The following DPP6 variants were observed in gnomAD, a reference collection of about 807,000 sequenced individuals.
The protein encoded by DPP6 is dipeptidyl peptidase like 6.
In DPP6, 69 loss-of-function variants were observed where a neutral mutation model predicts 122.6. The ratio of observed to expected loss-of-function variants is 0.56; its 90% CI spans 0.46 to 0.69. DPP6 has a LOEUF of 0.69. Among genes scored for constraint, DPP6 ranks in the 30% least tolerant of loss-of-function variants. The pLI is 0.00. For missense variants in DPP6, 928 were observed against 1,116.9 expected, an observed-to-expected ratio of 0.83 and a Z score of 2.41; for synonymous variants, 418 against 433.1, an observed-to-expected ratio of 0.97 and a Z score of 0.43.
Position 154,016,527 on chromosome 7 carries a change from C to G in DPP6, c.51+128793C>G, listed in dbSNP as rs538460056. 4.0e-5 allele frequency among the ~76,000 whole-genome samples: 6 copies of G among 151,896 alleles called. No individual in the cohort carries two copies. The South Asian group carries it at 1.2e-3, about 32-fold the overall frequency. ...CATGTAATCCCAGCACTTTGTGAGGCTGAGGTGGGAGGATTGCTTGAGCCC... is the reference window on the plus strand; with the variant it reads ...CATGTAATCCCAGCACTTTGTGAGGGTGAGGTGGGAGGATTGCTTGAGCCC... On this transcript the variant is annotated intron_variant, in intron 1 of 25. Transcript: ENST00000404039.
chr7:154,215,084 G>A (rs1228349984), intron 1 of DPP6, among the ~76,000 whole-genome samples: 1 of 152,164 alleles, frequency 6.6e-6, no homozygotes, highest in Non-Finnish European at 1.5e-5. Context: ...ACCTGAGACT[G>A]GGTAATTTAT....
chr7:154,769,011 G>A (rs1426737862), intron 8 of DPP6, among the ~76,000 whole-genome samples: 1 of 152,106 alleles, frequency 6.6e-6, no homozygotes, highest in African/African-American at 2.4e-5. Context: ...CATGGGACAC[G>A]CTTCCATGTG....
chr7:154,856,783 G>A (rs1802869694), intron 17 of DPP6, among the ~76,000 whole-genome samples: 1 of 152,216 alleles, frequency 6.6e-6, no homozygotes. Flanking sequence ...CAGTTGAGCT[G>A]TCACTTTGGT....
intron 4 of DPP6, among the ~76,000 whole-genome samples, chr7:154,557,323 T>C (rs1830117189): frequency 6.6e-6 from 1 of 152,186 alleles, no homozygotes; most frequent in Non-Finnish European, 1.5e-5. Context: ...GGCAGCATCG[T>C]TAGCAATTGA....
chr7:154,085,830 C>T (rs530684060), intron 1 of DPP6, among the ~76,000 whole-genome samples: 3 of 152,262 alleles, frequency 2.0e-5, no homozygotes, highest in South Asian at 4.2e-4. Context: ...CAGGTTCAAG[C>T]GGTTCTTCTG....
chr7:154,025,255 G>C (rs1427303770), intron 1 of DPP6, among the ~76,000 whole-genome samples: 1 of 144,810 alleles, frequency 6.9e-6, no homozygotes, highest in African/African-American at 2.6e-5. Context: ...TATCTTGAGG[G>C]AAAAGGCCAT....
At chr7:154,238,496 G>A (rs1052118190) in intron 1 of DPP6, among the ~76,000 whole-genome samples, 23 of 152,176 alleles carry the variant, frequency 1.5e-4, no homozygotes, top group African/African-American at 5.3e-4. Context: ...GGATTAGACT[G>A]TCTGATTTAA....
chr7:154,431,201 A>T lies in DPP6; in HGVS notation c.244-15013A>T, dbSNP rs553451581. On this transcript the variant is annotated intron_variant, in intron 1 of 25. Coordinates refer to ENST00000377770, the MANE Select transcript of DPP6 (RefSeq NM_130797.4). ...GGATGCTCGCTGGGAGCCACAGGCC[A>T]CCAGGGGGAAGCGCCAAGGCCGTCT... Among the ~76,000 whole-genome samples the T allele has an allele frequency of 2.6e-5, 4 of 152,256 alleles. No homozygotes were observed. In the South Asian group the frequency reaches 8.3e-4, roughly 32 times the overall value.
rs1032159740 is a variant in DPP6, at chr7:154,474,839, C to A, written c.359-100C>A. 3.0e-5 allele frequency: 26 copies of A among 874,072 alleles called. No individual in the cohort carries two copies. In the African/African-American group the frequency reaches 4.3e-4, roughly 15 times the overall value. 54.1% of individuals were successfully genotyped at this position (874,072 alleles called of 1,614,324 possible). A position where few individuals can be genotyped will look rare whatever the true frequency, so the allele number is the denominator to read the frequency against. On this transcript the variant is annotated intron_variant, in intron 2 of 25. Coordinates refer to ENST00000377770, the MANE Select transcript of DPP6 (RefSeq NM_130797.4). ...TCACTTATGGACGTCATGTGTGTTC[C>A]CATCCATACTATTTATAAATGACAA...
At chr7:154,313,656 C>A (rs1196310510) in intron 1 of DPP6, among the ~76,000 whole-genome samples, 3 of 125,414 alleles carry the variant, frequency 2.4e-5, no homozygotes, top group Admixed American at 1.7e-4. Flanking sequence ...TCAAGTTTAC[C>A]TAGAAGCAAC....
At chr7:154,365,465 T>C (rs369687903) in intron 1 of DPP6, among the ~76,000 whole-genome samples, 44 of 152,250 alleles carry the variant, frequency 2.9e-4, no homozygotes, top group African/African-American at 7.9e-4. Context: ...TATGGAGAGA[T>C]GAGCCCCCCT....
chr7:154,565,316 C>A (rs1281190331), intron 4 of DPP6, among the ~76,000 whole-genome samples: 1 of 152,114 alleles, frequency 6.6e-6, no homozygotes. Flanking sequence ...CTTTATAGAA[C>A]AAAGCAACCA....
chr7:153,892,138 G>C (rs1799229571), intron 1 of DPP6, among the ~76,000 whole-genome samples: 1 of 152,178 alleles, frequency 6.6e-6, no homozygotes, highest in African/African-American at 2.4e-5. Context: ...ACATCTGAAT[G>C]TGAACTTTCC....
intron 5 of DPP6, among the ~76,000 whole-genome samples, chr7:154,629,076 T>C (rs988623145): frequency 1.3e-5 from 2 of 152,202 alleles, no homozygotes; most frequent in Non-Finnish European, 2.9e-5. Flanking sequence ...TCTGTCACAG[T>C]CCACAAAACC....
chr7:154,829,369 TGA>T (rs1425230960), intron 16 of DPP6, among the ~76,000 whole-genome samples: 2 of 144,292 alleles, frequency 1.4e-5, no homozygotes, highest in Non-Finnish European at 3.0e-5. Flanking sequence ...GGCAACACAG[TGA>T]GACCCTATAA....
chr7:154,640,469 C>T (rs1449688075), intron 6 of DPP6, among the ~76,000 whole-genome samples: 1 of 148,520 alleles, frequency 6.7e-6, no homozygotes, highest in Non-Finnish European at 1.5e-5. Flanking sequence ...GAACACAGCG[C>T]CCCTGAAGCG....
At chr7:154,886,790 ACCGCCCAGCAAGGCAGGGACCACGG>A in intron 22 of DPP6, among the ~76,000 whole-genome samples, 1 of 152,162 alleles carries the variant, frequency 6.6e-6, no homozygotes, top group Admixed American at 6.5e-5. Context: ...CCCTGTAGAC[ACCGCCCAGCAAGGCAGGGACCACGG>A]TGGGCCCAGC....
chr7:154,456,494 G>A (rs547671915), intron 2 of DPP6, among the ~76,000 whole-genome samples: 3 of 152,178 alleles, frequency 2.0e-5, no homozygotes, highest in South Asian at 4.2e-4. Context: ...CTCAGAGGAT[G>A]CCTTCTAAAG....
chr7:153,966,931 G>A (rs929154791), intron 1 of DPP6, among the ~76,000 whole-genome samples: 2 of 151,490 alleles, frequency 1.3e-5, no homozygotes, highest in Non-Finnish European at 1.5e-5. Flanking sequence ...GCTGAGCTTA[G>A]TGTCATCTGC....
Sources: gnomAD v4.1 joint callset for allele counts (sites outside exome capture counted in the v4.1 genomes callset) on GRCh38, gnomAD v4.1.1 for gene constraint, MANE v1.5 for transcripts, NCBI Gene and HGNC (gene_info 2026-07-23, HGNC 2026-07-21) for gene names.